Variants in UBR3 observed in about 807,000 individuals in gnomAD.
UBR3 encodes E3 ubiquitin-protein ligase UBR3.
In UBR3, 85 loss-of-function variants were observed where a neutral mutation model predicts 243.2. The ratio of observed to expected loss-of-function variants is 0.35; its 90% CI spans 0.29 to 0.42. The LOEUF (loss-of-function observed/expected upper bound fraction) is 0.42. Ranked by LOEUF, UBR3 falls within the 10% of genes least tolerant of loss-of-function variation. The pLI is 1.00. For missense variants in UBR3, 1,686 were observed against 2,300.8 expected (o/e 0.73, Z 5.47); for synonymous variants, 748 against 799.8 (o/e 0.94, Z 1.09).
At chr2:169,930,297 G>A (rs569244259) in intron 18 of UBR3, among the ~76,000 whole-genome samples, 10 of 152,182 alleles carry the variant, frequency 6.6e-5, no homozygotes, top group African/African-American at 2.2e-4. Context: ...CTGGGCATTC[G>A]GAGATTAGAG....
chr2:169,838,385 ATTTGTGTGTGTG>A lies in UBR3; in HGVS notation c.545+10335_545+10346del, dbSNP rs1273860971. Among the ~76,000 whole-genome samples, 347 of 131,676 alleles carry A rather than the reference ATTTGTGTGTGTG, an allele frequency of 2.6e-3. 1 individual carries two copies. Among genetic ancestry groups the A allele is most frequent in the East Asian group, 8.9e-3 (37 of 4,178 alleles). The allele number at this position is 131,676 out of a possible 152,430, so 86.4% of individuals were successfully genotyped here. Reference sequence around the variant, plus strand: ...AAGCTGGGAAGTCCAAGATTAAGGCATTTGTGTGTGTGTGTGTGTGTGTGTGTGTGTGTGTGT... The same window carrying A: ...AAGCTGGGAAGTCCAAGATTAAGGCATGTGTGTGTGTGTGTGTGTGTGTGT... On this transcript the variant is annotated intron_variant, in intron 1 of 38. Transcript: ENST00000272793.
At position 169,926,723 on chromosome 2, in the gene UBR3, T is replaced by A. The variant is rs988544205; in HGVS notation, c.2183T>A (p.Phe728Tyr). 6.5e-7 allele frequency: 1 copy of A among 1,549,996 alleles called. No individual in the cohort carries two copies. The highest frequency in any genetic ancestry group is 1.4e-5 in the African/African-American group (1 of 73,032). ...VCASRLDPDY[F>Y]ISSVFERFKV... ...GCTTCTAGACTTGACCCAGATTATTTTATTTCATCCGTCTTTGAAAGGTAG... is the reference window on the plus strand; with the variant it reads ...GCTTCTAGACTTGACCCAGATTATTATATTTCATCCGTCTTTGAAAGGTAG... Residue 728 changes from phenylalanine to tyrosine, a missense_variant, in exon 15 of 39, where the codon TTT becomes TAT. Physicochemically the swap from Phe to Tyr is conservative, Grantham distance 22. Coordinates refer to ENST00000272793, the MANE Select transcript of UBR3 (RefSeq NM_172070.4).
intron 27 of UBR3, among the ~76,000 whole-genome samples, chr2:170,002,624 G>T (rs1339908562): frequency 3.3e-5 from 5 of 152,212 alleles, no homozygotes; most frequent in Non-Finnish European, 5.9e-5. Flanking sequence ...TAACTTTTCT[G>T]CCTGAGCTCT....
At position 169,857,064 on chromosome 2, in the gene UBR3, G is replaced by GTTTTGTTTTTT. The variant is rs1255937396; in HGVS notation, c.546-15168_546-15167insGTTTTTTTTTT. Among the ~76,000 whole-genome samples, 71 of 56,090 alleles carry GTTTTGTTTTTT rather than the reference G, an allele frequency of 1.3e-3. 14 individuals carry two copies. The highest frequency in any genetic ancestry group is 3.4e-3 in the Admixed American group (14 of 4,088). The allele number at this position is 56,090 out of a possible 152,430, so 36.8% of individuals were successfully genotyped here. On this transcript the variant is annotated intron_variant, in intron 1 of 38. Transcript: ENST00000272793. Reference sequence around the variant, plus strand: ...ATGATTTCCAGCATAATTTTATTATGTTTTTTTTTTTTTTTTTTTTTTTTT... The same window carrying GTTTTGTTTTTT: ...ATGATTTCCAGCATAATTTTATTATGTTTTGTTTTTTTTTTTTTTTTTTTTTTTTTTTTTTT...
At chr2:169,836,232 C>G (rs186869286) in intron 1 of UBR3, among the ~76,000 whole-genome samples, 1,695 of 150,268 alleles carry the variant, frequency 0.011, 48 homozygotes, top group African/African-American at 0.039. Context: ...TACAGGCGGC[C>G]GCCACCATGC....
chr2:170,081,432 G>A (rs530840442), intron 38 of UBR3, among the ~76,000 whole-genome samples: 14 of 152,112 alleles, frequency 9.2e-5, no homozygotes, highest in Admixed American at 7.9e-4. Flanking sequence ...CTCGGGAGGC[G>A]GAGCTTGCAG....
intron 5 of UBR3, among the ~76,000 whole-genome samples, chr2:169,890,211 G>A (rs1209659566): frequency 6.6e-6 from 1 of 151,954 alleles, no homozygotes; most frequent in Non-Finnish European, 1.5e-5. Flanking sequence ...CCTACACTCA[G>A]GGCTTCCTCC....
chr2:170,043,622 A>C (rs1482893850), intron 32 of UBR3, among the ~76,000 whole-genome samples: 1 of 152,214 alleles, frequency 6.6e-6, no homozygotes, highest in Non-Finnish European at 1.5e-5. Context: ...CAATAAATTC[A>C]TTGCTTGATT....
intron 24 of UBR3, among the ~76,000 whole-genome samples, chr2:169,968,295 A>G (rs1415192457): frequency 2.0e-5 from 3 of 152,090 alleles, no homozygotes; most frequent in Admixed American, 6.6e-5. Flanking sequence ...ATCAAACACT[A>G]TTCCTTCTAT....
intron 1 of UBR3, among the ~76,000 whole-genome samples, chr2:169,848,213 T>C (rs577479912): frequency 6.6e-6 from 1 of 152,332 alleles, no homozygotes; most frequent in South Asian, 2.1e-4. Flanking sequence ...TATCTGGTTT[T>C]TTGTTTGCTT....
At chr2:169,850,375 C>T (rs969012914) in intron 1 of UBR3, among the ~76,000 whole-genome samples, 4 of 152,054 alleles carry the variant, frequency 2.6e-5, no homozygotes, top group African/African-American at 4.8e-5. Context: ...GACAAAGTCT[C>T]ACTTTATTGG....
intron 9 of UBR3, 35 bp downstream of exon 9, chr2:169,905,328 T>C: frequency 7.1e-7 from 1 of 1,410,834 alleles, no homozygotes; most frequent in Non-Finnish European, 9.3e-7. Context: ...TTTTTTGGTT[T>C]ACAAAATTCC....
intron 27 of UBR3, among the ~76,000 whole-genome samples, chr2:170,005,932 T>A (rs754955302): frequency 2.4e-4 from 36 of 151,762 alleles, no homozygotes; most frequent in Non-Finnish European, 4.6e-4. Flanking sequence ...AATGCAGGAG[T>A]AATGATCTGG....
chr2:169,936,537 T>TATA (rs2086338199), intron 19 of UBR3, among the ~76,000 whole-genome samples: 3 of 151,374 alleles, frequency 2.0e-5, no homozygotes, highest in Admixed American at 2.0e-4. Context: ...TTATTATTAT[T>TATA]ATACTTTAAG....
At position 170,084,063 on chromosome 2, in the gene UBR3, GAA is replaced by G. The variant is rs2091944356; in HGVS notation, c.*2221_*2222del. On this transcript the variant is annotated 3_prime_UTR_variant, in exon 39 of 39. Coordinates refer to ENST00000272793, the MANE Select transcript of UBR3 (RefSeq NM_172070.4). ...AATTAAGCAGAAATTACAAAACTAGGAATAATCAACATTGTAAGATATGTTAA... is the reference window on the plus strand; with the variant it reads ...AATTAAGCAGAAATTACAAAACTAGGTAATCAACATTGTAAGATATGTTAA... The G allele has an allele frequency of 6.6e-6, 1 of 152,340 alleles. No individual in the cohort carries two copies. The highest frequency in any genetic ancestry group is 6.6e-5 in the Admixed American group (1 of 15,254). The allele number at this position is 152,340 out of a possible 1,614,324, so 9.4% of individuals were successfully genotyped here.
chr2:169,928,440 T>A (rs898850), intron 17 of UBR3, among the ~76,000 whole-genome samples: 64,322 of 151,992 alleles, frequency 0.42, 15,219 homozygotes, highest in Non-Finnish European at 0.54. Context: ...AAAGTTTTTC[T>A]ATCGTTTTCT....
At chr2:169,929,650 G>A (rs12995058) in intron 18 of UBR3, among the ~76,000 whole-genome samples, 64,362 of 151,958 alleles carry the variant, frequency 0.42, 15,223 homozygotes, top group Non-Finnish European at 0.54. Flanking sequence ...TGCACAGAAC[G>A]TTTTCCTTAA....
At chr2:169,852,844 T>G (rs2082701756) in intron 1 of UBR3, among the ~76,000 whole-genome samples, 1 of 80,430 alleles carries the variant, frequency 1.2e-5, no homozygotes, top group Non-Finnish European at 2.1e-5. Context: ...GAGTGAGACT[T>G]CATCTCAAAA....
intron 29 of UBR3, among the ~76,000 whole-genome samples, chr2:170,012,991 CTCA>C (rs915602758): frequency 4.6e-5 from 7 of 152,054 alleles, no homozygotes; most frequent in Non-Finnish European, 1.0e-4. Flanking sequence ...AACAGTCTTT[CTCA>C]TCATTCTTTC....
Sources: allele counts gnomAD v4.1 joint callset (sites outside exome capture counted in the v4.1 genomes callset), GRCh38; gene constraint gnomAD v4.1.1; transcripts MANE v1.5; gene names NCBI Gene and HGNC (gene_info 2026-07-23, HGNC 2026-07-21).